The following RASAL2 variants were observed in gnomAD, a reference collection of about 807,000 sequenced individuals.
The protein encoded by RASAL2 is ras GTPase-activating protein nGAP.
A neutral mutation model predicts 128.9 loss-of-function variants in RASAL2; 58 were observed. That is an observed-to-expected ratio of 0.45 (90% CI 0.36 to 0.56). RASAL2 has a LOEUF of 0.56. Among genes scored for constraint, RASAL2 ranks in the 20% least tolerant of loss-of-function variants. The probability of loss-of-function intolerance (pLI) is 0.00; values close to 1 mark genes in which losing one functional copy is unlikely to be tolerated. For synonymous variants in RASAL2, 561 were observed against 580.8 expected, an observed-to-expected ratio of 0.97 and a Z score of 0.49; for missense variants, 1,360 against 1,601.6, an observed-to-expected ratio of 0.85 and a Z score of 2.57.
At chr1:178,298,478 G>T (rs1331564874) in intron 2 of RASAL2, among the ~76,000 whole-genome samples, 1 of 152,162 alleles carries the variant, frequency 6.6e-6, no homozygotes, top group Non-Finnish European at 1.5e-5. Flanking sequence ...TTGCTCCTCG[G>T]ATTCTCAGTA....
chr1:178,458,283 T>C lies in RASAL2; in HGVS notation c.2991T>C (p.Pro997=). 6.2e-7 allele frequency: 1 copy of C among 1,614,180 alleles called. No homozygotes were observed. The highest frequency in any genetic ancestry group is 8.5e-7 in the Non-Finnish European group (1 of 1,180,042). ...RRHTVPDRHI[P]LALPRQNSTG... ...ACACGGTGCCAGATAGACACATACC[T>C]CTTGCTTTGCCACGACAAAATAGTA... Residue 997 remains proline, a synonymous_variant, in exon 14 of 18, where the codon CCT becomes CCC. Transcript: ENST00000367649.
At chr1:178,298,413 T>TG (rs1261377630) in intron 2 of RASAL2, among the ~76,000 whole-genome samples, 1 of 152,142 alleles carries the variant, frequency 6.6e-6, no homozygotes, top group Non-Finnish European at 1.5e-5. Context: ...ATGGGAGAAT[T>TG]GGGGGTCCTA....
Position 178,399,204 on chromosome 1 carries a change from A to C in RASAL2, c.564+8998A>C, listed in dbSNP as rs1035855402. Among the ~76,000 whole-genome samples the C allele has an allele frequency of 3.3e-5, 5 of 152,170 alleles. No individual in the cohort carries two copies. In the East Asian group the frequency reaches 5.8e-4, roughly 18 times the overall value. On this transcript the variant is annotated intron_variant, in intron 4 of 17. Coordinates refer to ENST00000367649, the MANE Select transcript of RASAL2 (RefSeq NM_170692.4). ...CTCTCTTCACCCAGCCACAGCTGTCACTCTCTGACCCTGGCAGGGGCCTTT... is the reference window on the plus strand; with the variant it reads ...CTCTCTTCACCCAGCCACAGCTGTCCCTCTCTGACCCTGGCAGGGGCCTTT...
At chr1:178,292,019 G>C (rs1331537023) in intron 2 of RASAL2, among the ~76,000 whole-genome samples, 2 of 141,736 alleles carry the variant, frequency 1.4e-5, no homozygotes, top group African/African-American at 5.6e-5. Context: ...CTGGGTGACT[G>C]GGCAAGACTT....
chr1:178,441,527 A>G, intron 6 of RASAL2, 22 bp from the exon 7 acceptor site: 4 of 1,577,150 alleles, frequency 2.5e-6, no homozygotes, highest in South Asian at 1.1e-5. Flanking sequence ...TCTTTTTCTT[A>G]TGTCTAATTT....
chr1:178,336,321 A>G (rs1265427765), intron 3 of RASAL2, among the ~76,000 whole-genome samples: 1 of 152,070 alleles, frequency 6.6e-6, no homozygotes, highest in Non-Finnish European at 1.5e-5. Flanking sequence ...TTTGAATTAT[A>G]TAATACATAT....
Position 178,466,308 on chromosome 1 carries a change from A to T in RASAL2, c.3590+186A>T, listed in dbSNP as rs114730752. ...GAGACCTTGGGCACTTCCTATGAAG[A>T]TAATCTGTTTTTCTTTAACCATAAC... On this transcript the variant is annotated intron_variant, in intron 16 of 17. Transcript: ENST00000367649. 3.2e-3 allele frequency among the ~76,000 whole-genome samples: 492 copies of T among 152,366 alleles called. 2 individuals are homozygous for T. The highest frequency in any genetic ancestry group is 7.3e-3 in the Admixed American group (111 of 15,308).
intron 1 of RASAL2, among the ~76,000 whole-genome samples, chr1:178,214,538 A>G (rs969971651): frequency 3.3e-5 from 5 of 152,048 alleles, no homozygotes; most frequent in African/African-American, 7.2e-5. Flanking sequence ...CATTTTAATC[A>G]GTAACATCAC....
At chr1:178,333,616 G>C (rs1669449296) in intron 3 of RASAL2, among the ~76,000 whole-genome samples, 1 of 152,106 alleles carries the variant, frequency 6.6e-6, no homozygotes, top group African/African-American at 2.4e-5. Context: ...ACATTATTTA[G>C]TTTTAAATGA....
chr1:178,467,069 A>G (rs1448551904), intron 16 of RASAL2, among the ~76,000 whole-genome samples: 1 of 152,166 alleles, frequency 6.6e-6, no homozygotes, highest in Non-Finnish European at 1.5e-5. Flanking sequence ...AAGATGAAAT[A>G]AGTTGTGCTC....
chr1:178,295,805 T>C (rs1667471875), intron 2 of RASAL2, among the ~76,000 whole-genome samples: 1 of 152,182 alleles, frequency 6.6e-6, no homozygotes, highest in Non-Finnish European at 1.5e-5. Context: ...AGTTGAGGAA[T>C]TGTTTTTTCT....
At chr1:178,258,069 C>T (rs1218676278) in intron 1 of RASAL2, among the ~76,000 whole-genome samples, 5 of 151,656 alleles carry the variant, frequency 3.3e-5, no homozygotes, top group Non-Finnish European at 5.9e-5. Flanking sequence ...TCAAGGCGGG[C>T]GGATCATGAG....
chr1:178,274,673 G>A (rs1340704624), intron 1 of RASAL2, among the ~76,000 whole-genome samples: 5 of 151,826 alleles, frequency 3.3e-5, no homozygotes, highest in African/African-American at 7.3e-5. Flanking sequence ...CCACAGCATC[G>A]ACCTCCCAGG....
At chr1:178,402,214 G>A (rs970957689) in intron 4 of RASAL2, among the ~76,000 whole-genome samples, 9 of 152,084 alleles carry the variant, frequency 5.9e-5, no homozygotes, top group African/African-American at 2.2e-4. Context: ...TCAGAAGTTC[G>A]AGACCAGCCT....
intron 4 of RASAL2, among the ~76,000 whole-genome samples, chr1:178,414,553 A>C (rs1674628812): frequency 6.6e-6 from 1 of 152,100 alleles, no homozygotes; most frequent in East Asian, 1.9e-4. Context: ...GCATGTGTAG[A>C]GGGAAGGGGA....
intron 1 of RASAL2, among the ~76,000 whole-genome samples, chr1:178,239,658 C>T (rs944522906): frequency 6.6e-6 from 1 of 151,936 alleles, no homozygotes; most frequent in African/African-American, 2.4e-5. Context: ...ACTCTCTATC[C>T]AAGGGACTTT....
Position 178,443,172 on chromosome 1 carries a change from TAAAG to T in RASAL2, c.1427_1430del (p.Lys476ArgfsTer7). The stretch of plus-strand genomic sequence containing the variant: ...TTGAGCCAGTAATTAGTGTGAGAAA[TAAAG>T]AGGAGTTGGCTTGTGCCTTAGTGCA... On this transcript the variant is annotated frameshift_variant, in exon 8 of 18. Transcript: ENST00000367649. LOFTEE classifies it high-confidence loss of function. The T allele has an allele frequency of 6.2e-7, 1 of 1,613,728 alleles. No homozygotes were observed. The highest frequency in any genetic ancestry group is 8.5e-7 in the Non-Finnish European group (1 of 1,179,764).
chr1:178,335,931 A>C (rs1571880889), intron 3 of RASAL2, among the ~76,000 whole-genome samples: 1 of 151,772 alleles, frequency 6.6e-6, no homozygotes, highest in Non-Finnish European at 1.5e-5. Flanking sequence ...GAAAAAAAAA[A>C]ACCCAAAATG....
rs746583734 is a variant in RASAL2, at chr1:178,439,467, C to T, written c.720C>T (p.Ser240=). The T allele has an allele frequency of 1.9e-6, 3 of 1,612,288 alleles. No individual in the cohort carries two copies. The highest frequency in any genetic ancestry group is 1.7e-6 in the Non-Finnish European group (2 of 1,178,982). Residue 240 remains serine (S), a synonymous_variant, in exon 6 of 18, where the codon TCC becomes TCT. Coordinates refer to ENST00000367649, the MANE Select transcript of RASAL2 (RefSeq NM_170692.4). ...PKLKESRSHE[S]LLSPCSTVEC... ...TAAAAGAGTCACGTTCCCATGAATCCTTGCTGAGCCCATGCAGCACAGTGG... is the reference window on the plus strand; with the variant it reads ...TAAAAGAGTCACGTTCCCATGAATCTTTGCTGAGCCCATGCAGCACAGTGG...
Sources: allele counts gnomAD v4.1 joint callset (sites outside exome capture counted in the v4.1 genomes callset), GRCh38; gene constraint gnomAD v4.1.1; transcripts MANE v1.5; gene names NCBI Gene and HGNC (gene_info 2026-07-23, HGNC 2026-07-21).